SH3RF3: variants seen among roughly 807,000 people sequenced by gnomAD.
The protein encoded by SH3RF3 is E3 ubiquitin-protein ligase SH3RF3.
SH3RF3 carries 29 observed loss-of-function variants against 66.3 expected under a neutral mutation model. The ratio of observed to expected loss-of-function variants is 0.44; its 90% CI spans 0.33 to 0.60. The LOEUF (loss-of-function observed/expected upper bound fraction) is 0.60, where lower values mean the gene tolerates loss of function less well. Ranked by LOEUF, SH3RF3 falls within the 20% of genes least tolerant of loss-of-function variation. SH3RF3 has a pLI of 0.04. For synonymous variants in SH3RF3, 583 were observed against 532.0 expected, an observed-to-expected ratio of 1.10 and a Z score of -1.32; for missense variants, 1,194 against 1,190.9, an observed-to-expected ratio of 1.00 and a Z score of -0.04.
chr2:109,292,763 A>T (rs564455337), intron 1 of SH3RF3, among the ~76,000 whole-genome samples: 85 of 151,872 alleles, frequency 5.6e-4, no homozygotes, highest in African/African-American at 2.0e-3. Context: ...ATGGAGTTTC[A>T]CTCTTGTTGC....
intron 1 of SH3RF3, among the ~76,000 whole-genome samples, chr2:109,181,750 T>C (rs1678079973): frequency 6.6e-6 from 1 of 152,222 alleles, no homozygotes; most frequent in Non-Finnish European, 1.5e-5. Flanking sequence ...TAGTGGATGC[T>C]AGGTTCCATC....
At chr2:109,135,556 A>G (rs1467746175) in intron 1 of SH3RF3, among the ~76,000 whole-genome samples, 1 of 152,224 alleles carries the variant, frequency 6.6e-6, no homozygotes, top group Non-Finnish European at 1.5e-5. Context: ...CAAGTCTCTT[A>G]TCACGCGTGA....
At chr2:109,206,228 C>A (rs556908033) in intron 1 of SH3RF3, among the ~76,000 whole-genome samples, 1 of 152,048 alleles carries the variant, frequency 6.6e-6, no homozygotes, top group Non-Finnish European at 1.5e-5. Context: ...CGGTGGCTCA[C>A]GCCTGTAATC....
At chr2:109,380,068 G>A (rs987337129) in intron 3 of SH3RF3, among the ~76,000 whole-genome samples, 9 of 152,132 alleles carry the variant, frequency 5.9e-5, no homozygotes, top group South Asian at 2.1e-4. Context: ...GACTCCAGTC[G>A]CATTCATGGT....
At chr2:109,295,725 TACCTGGGGAGGTTC>T (rs1229260134) in intron 1 of SH3RF3, among the ~76,000 whole-genome samples, 7 of 152,090 alleles carry the variant, frequency 4.6e-5, no homozygotes, top group Admixed American at 4.6e-4. Context: ...GGGGGAGGTT[TACCTGGGGAGGTTC>T]ACCTGAATCT....
intron 1 of SH3RF3, among the ~76,000 whole-genome samples, chr2:109,250,358 C>T (rs956010417): frequency 6.6e-6 from 1 of 152,084 alleles, no homozygotes; most frequent in African/African-American, 2.4e-5. Context: ...TCTCCATCAG[C>T]TCTGAATTCA....
At chr2:109,238,974 G>T (rs1174888456) in intron 1 of SH3RF3, among the ~76,000 whole-genome samples, 1 of 152,168 alleles carries the variant, frequency 6.6e-6, no homozygotes, top group Non-Finnish European at 1.5e-5. Context: ...TCTGCCTCCA[G>T]TTCTTTCTGT....
intron 2 of SH3RF3, among the ~76,000 whole-genome samples, chr2:109,357,268 G>A (rs958671037): frequency 2.1e-4 from 32 of 151,600 alleles, no homozygotes; most frequent in African/African-American, 6.3e-4. Context: ...TGCAAGCTCC[G>A]CCTCCCAGGC....
intron 1 of SH3RF3, among the ~76,000 whole-genome samples, chr2:109,247,290 G>A (rs1679939905): frequency 6.6e-6 from 1 of 152,182 alleles, no homozygotes; most frequent in Non-Finnish European, 1.5e-5. Context: ...ACCAAGGATG[G>A]CTTTCAAGAG....
At chr2:109,219,100 A>C (rs1679167899) in intron 1 of SH3RF3, among the ~76,000 whole-genome samples, 1 of 152,176 alleles carries the variant, frequency 6.6e-6, no homozygotes, top group Admixed American at 6.5e-5. Flanking sequence ...ATCAACTGGC[A>C]TTGCACATGA....
intron 1 of SH3RF3, among the ~76,000 whole-genome samples, chr2:109,184,092 T>C (rs1678130819): frequency 6.6e-6 from 1 of 152,214 alleles, no homozygotes; most frequent in South Asian, 2.1e-4. Context: ...GTTGAGCCCA[T>C]GTGGTGGTTC....
At chr2:109,230,989 A>G (rs1679501365) in intron 1 of SH3RF3, among the ~76,000 whole-genome samples, 1 of 152,242 alleles carries the variant, frequency 6.6e-6, no homozygotes, top group African/African-American at 2.4e-5. Flanking sequence ...GTGTAAGACA[A>G]AAGTACACTT....
At chr2:109,495,831 A>G (rs1679244962) in intron 9 of SH3RF3, among the ~76,000 whole-genome samples, 1 of 152,170 alleles carries the variant, frequency 6.6e-6, no homozygotes, top group African/African-American at 2.4e-5. Flanking sequence ...CACATACATA[A>G]AATGGGGATA....
At chr2:109,396,471 C>T (rs908354061) in intron 3 of SH3RF3, among the ~76,000 whole-genome samples, 3 of 152,254 alleles carry the variant, frequency 2.0e-5, no homozygotes, top group Non-Finnish European at 2.9e-5. Context: ...AGCCACCCTG[C>T]TCCTGTGATC....
At chr2:109,296,707 C>A (rs970250193) in intron 1 of SH3RF3, among the ~76,000 whole-genome samples, 22 of 152,150 alleles carry the variant, frequency 1.4e-4, no homozygotes, top group African/African-American at 5.3e-4. Flanking sequence ...AGCAGAGATT[C>A]TGCAGAGTCC....
chr2:109,276,687 G>C (rs1393045404), intron 1 of SH3RF3, among the ~76,000 whole-genome samples: 3 of 152,316 alleles, frequency 2.0e-5, no homozygotes, highest in African/African-American at 7.2e-5. Flanking sequence ...AAGTCAGATA[G>C]AGACCCTTTT....
intron 1 of SH3RF3, among the ~76,000 whole-genome samples, chr2:109,282,962 T>C (rs1014578686): frequency 5.3e-5 from 8 of 152,110 alleles, no homozygotes; most frequent in African/African-American, 1.9e-4. Context: ...GGCTTGTTAC[T>C]CTCCCTGGGT....
chr2:109,144,756 C>A (rs1297664268), intron 1 of SH3RF3, among the ~76,000 whole-genome samples: 2 of 152,242 alleles, frequency 1.3e-5, no homozygotes, highest in African/African-American at 2.4e-5. Context: ...GGGGCCACCT[C>A]ACACTGTCTG....
At chr2:109,481,322 C>T (rs1198747512) in intron 8 of SH3RF3, among the ~76,000 whole-genome samples, 2 of 152,206 alleles carry the variant, frequency 1.3e-5, no homozygotes, top group Non-Finnish European at 2.9e-5. Context: ...GCACCTGTGC[C>T]TTCCACTCAG....
Sources: allele counts gnomAD v4.1 joint callset (sites outside exome capture counted in the v4.1 genomes callset), GRCh38; gene constraint gnomAD v4.1.1; transcripts MANE v1.5; gene names NCBI Gene and HGNC (gene_info 2026-07-23, HGNC 2026-07-21).